VPS37A: variants seen among roughly 807,000 people sequenced by gnomAD.
VPS37A encodes VPS37A subunit of ESCRT-I, also known as vacuolar protein sorting-associated protein 37A.
Under a neutral mutation model 49.8 loss-of-function variants are expected in VPS37A, and 30 were observed. That is an observed-to-expected ratio of 0.60 (90% CI 0.45 to 0.82). The LOEUF is 0.82. Ranked by LOEUF, VPS37A falls within the 40% of genes least tolerant of loss-of-function variation. VPS37A has a pLI of 0.00. For synonymous variants in VPS37A, 195 were observed against 160.6 expected, an observed-to-expected ratio of 1.21 and a Z score of -1.62; for missense variants, 593 against 464.4, an observed-to-expected ratio of 1.28 and a Z score of -2.55.
chr8:17,258,939 G>T (rs1812730856), intron 1 of VPS37A, among the ~76,000 whole-genome samples: 2 of 151,900 alleles, frequency 1.3e-5, no homozygotes, highest in South Asian at 4.2e-4. Context: ...TAGTTCTGTG[G>T]TCTCAGTTGT....
the VPS37A span, chr8:17,311,774 G>C: frequency 7.3e-7 from 1 of 1,363,986 alleles, no homozygotes; most frequent in Non-Finnish European, 1.0e-6. Context: ...TCTGTTTAGG[G>C]CCCCCCCTAA....
intron 9 of VPS37A, 45 bp from the exon 10 acceptor site, chr8:17,284,428 T>C (rs1268151843): frequency 6.5e-7 from 1 of 1,538,048 alleles, no homozygotes; most frequent in African/African-American, 1.4e-5. Context: ...TGAGGAGTTC[T>C]TGTGAGTATC....
intron 1 of VPS37A, among the ~76,000 whole-genome samples, chr8:17,259,800 T>C (rs1812808006): frequency 6.6e-6 from 1 of 152,166 alleles, no homozygotes; most frequent in African/African-American, 2.4e-5. Context: ...CTTGCTGAAT[T>C]GACCCCTTTA....
At chr8:17,292,211 CCA>C (rs934309716) in intron 11 of VPS37A, among the ~76,000 whole-genome samples, 1 of 152,134 alleles carries the variant, frequency 6.6e-6, no homozygotes, top group African/African-American at 2.4e-5. Context: ...GATCCCTTTA[CCA>C]TTATGTAATG....
intron 3 of VPS37A, 45 bp from the exon 4 acceptor site, chr8:17,268,811 C>G (rs1290020451): frequency 1.5e-6 from 2 of 1,297,318 alleles, no homozygotes; most frequent in Non-Finnish European, 2.2e-6. Context: ...ACTTTATAAT[C>G]TTTTTCTGGA....
the VPS37A span, among the ~76,000 whole-genome samples, chr8:17,333,143 G>A: frequency 2.0e-5 from 3 of 152,100 alleles, no homozygotes; most frequent in Admixed American, 6.6e-5. Flanking sequence ...ACATCAGCTG[G>A]GCCACATCAG....
At chr8:17,285,258 A>C (rs1261391473) in intron 10 of VPS37A, among the ~76,000 whole-genome samples, 2 of 152,194 alleles carry the variant, frequency 1.3e-5, no homozygotes, top group Non-Finnish European at 2.9e-5. Context: ...TGTTTCAGAA[A>C]TGGTAGTATC....
rs1815400903 is a variant in VPS37A at position 17,284,488 on chromosome 8, G to A, written c.985G>A (p.Ala329Thr). 1.3e-6 allele frequency: 2 copies of A among 1,586,928 alleles called. No homozygotes were observed. The highest frequency in any genetic ancestry group is 1.7e-6 in the Non-Finnish European group (2 of 1,172,324). The change falls in exon 10 of 12, where the codon GCC (alanine) becomes ACC (threonine). Residue 329 changes from alanine (A) to threonine (T), a missense_variant. Physicochemically the swap from Ala to Thr is moderately conservative, Grantham distance 58 (BLOSUM62 0). Transcript: ENST00000324849. ...HELSESCSAS[A>T]LQARLKVAAH... ...TCTTTTTCAGAGCTGTAGTGCAAGTGCCCTTCAGGCAAGATTGAAAGTAGC... is the reference window on the plus strand; with the variant it reads ...TCTTTTTCAGAGCTGTAGTGCAAGTACCCTTCAGGCAAGATTGAAAGTAGC...
At chr8:17,326,797 G>C in the VPS37A span, among the ~76,000 whole-genome samples, 2 of 152,324 alleles carry the variant, frequency 1.3e-5, no homozygotes, top group African/African-American at 2.4e-5. Flanking sequence ...CTGCAGCCTT[G>C]AAAGATGCTA....
chr8:17,332,257 A>G, the VPS37A span, among the ~76,000 whole-genome samples: 6 of 152,334 alleles, frequency 3.9e-5, no homozygotes, highest in Admixed American at 1.3e-4. Flanking sequence ...ACAGTGCACA[A>G]TAGTACTTTT....
At chr8:17,284,004 G>A (rs961362726) in intron 9 of VPS37A, among the ~76,000 whole-genome samples, 1 of 152,130 alleles carries the variant, frequency 6.6e-6, no homozygotes, top group Non-Finnish European at 1.5e-5. Flanking sequence ...TCTTATAGCA[G>A]TGTCTACAGT....
At chr8:17,272,645 T>C (rs1420592146) in intron 4 of VPS37A, among the ~76,000 whole-genome samples, 1 of 152,206 alleles carries the variant, frequency 6.6e-6, no homozygotes, top group Non-Finnish European at 1.5e-5. Context: ...ATATTACAAA[T>C]ACTCTCTCAT....
chr8:17,277,961 A>C (rs894893000), intron 6 of VPS37A, among the ~76,000 whole-genome samples: 7 of 151,854 alleles, frequency 4.6e-5, no homozygotes, highest in Non-Finnish European at 8.8e-5. Context: ...TATGGGAATA[A>C]ATACATGTCC....
the VPS37A span, among the ~76,000 whole-genome samples, chr8:17,311,173 C>T: frequency 6.6e-6 from 1 of 152,274 alleles, no homozygotes; most frequent in Admixed American, 6.5e-5. Flanking sequence ...TCTTCTGTTA[C>T]ATATTCATGT....
At chr8:17,272,237 C>G (rs1040154943) in intron 4 of VPS37A, among the ~76,000 whole-genome samples, 1 of 152,184 alleles carries the variant, frequency 6.6e-6, no homozygotes, top group Non-Finnish European at 1.5e-5. Context: ...CAGCCTATAG[C>G]TCTGCTTGGT....
chr8:17,322,143 C>T, the VPS37A span, among the ~76,000 whole-genome samples: 3 of 152,148 alleles, frequency 2.0e-5, no homozygotes, highest in Non-Finnish European at 4.4e-5. Flanking sequence ...CCTGTTGGCT[C>T]TGTCCTCTTC....
chr8:17,272,827 A>G (rs1020741358), intron 4 of VPS37A, among the ~76,000 whole-genome samples: 6 of 144,254 alleles, frequency 4.2e-5, no homozygotes, highest in African/African-American at 1.6e-4. Flanking sequence ...AAAAAGTATA[A>G]AGGAGTATAG....
intron 1 of VPS37A, among the ~76,000 whole-genome samples, chr8:17,264,891 A>G (rs1308337377): frequency 6.6e-6 from 1 of 152,200 alleles, no homozygotes; most frequent in Non-Finnish European, 1.5e-5. Context: ...TTAGTGTATT[A>G]TAGTTGTAAT....
chr8:17,292,967 T>A (rs1816285141), intron 11 of VPS37A, among the ~76,000 whole-genome samples: 1 of 152,132 alleles, frequency 6.6e-6, no homozygotes, highest in Non-Finnish European at 1.5e-5. Context: ...CTTTGTGGTA[T>A]TCTCTGTATT....
Sources: allele counts gnomAD v4.1 joint callset (sites outside exome capture counted in the v4.1 genomes callset), GRCh38; gene constraint gnomAD v4.1.1; transcripts MANE v1.5; gene names NCBI Gene and HGNC (gene_info 2026-07-23, HGNC 2026-07-21).